Variants in ZNF845 observed in about 807,000 individuals in gnomAD.
The protein encoded by ZNF845 is zinc finger protein 845.
In ZNF845, 59 loss-of-function variants were observed where a neutral mutation model predicts 76.1. The observed-to-expected ratio is 0.78, with a 90% CI of 0.63 to 0.96. The LOEUF (loss-of-function observed/expected upper bound fraction) is 0.96, where lower values mean the gene tolerates loss of function less well. ZNF845 is among the 40% of genes least tolerant of loss of function. The pLI is 0.00. For missense variants in ZNF845, 1,045 were observed against 1,172.8 expected, an observed-to-expected ratio of 0.89 and a Z score of 1.59; for synonymous variants, 361 against 386.9, an observed-to-expected ratio of 0.93 and a Z score of 0.78.
At chr19:53,337,944 G>C (rs894951088) in intron 1 of ZNF845, among the ~76,000 whole-genome samples, 2 of 152,038 alleles carry the variant, frequency 1.3e-5, no homozygotes, top group African/African-American at 4.8e-5. Flanking sequence ...CAGGTGATCC[G>C]TCTGCCTAGG....
chr19:53,356,307 G>A lies in ZNF845; in HGVS notation c.*2719G>A, dbSNP rs538571122. 2.0e-5 allele frequency: 3 copies of A among 152,302 alleles called. No individual in the cohort carries two copies. The highest frequency in any genetic ancestry group is 2.9e-5 in the Non-Finnish European group (2 of 68,034). 9.4% of individuals were successfully genotyped at this position (152,302 alleles called of 1,614,324 possible). On this transcript the variant is annotated 3_prime_UTR_variant, in exon 4 of 4. Transcript: ENST00000458035. ...AATCCCAGCGGTTTTAGAGGCCCAG[G>A]CAGGTGGGTGACGTGAGCCTAGGGA...
intron 1 of ZNF845, chr19:53,341,021 C>T (rs1390662821): frequency 1.9e-6 from 1 of 525,498 alleles, no homozygotes. Context: ...TCCAGCTACA[C>T]CCTCACCCCC....
At chr19:53,347,569 A>G (rs955262484) in intron 3 of ZNF845, among the ~76,000 whole-genome samples, 1 of 152,124 alleles carries the variant, frequency 6.6e-6, no homozygotes, top group African/African-American at 2.4e-5. Context: ...CTGAGATTAC[A>G]GGCATGAACC....
intron 1 of ZNF845, among the ~76,000 whole-genome samples, chr19:53,339,620 C>A (rs1460625038): frequency 6.6e-6 from 1 of 152,166 alleles, no homozygotes; most frequent in Non-Finnish European, 1.5e-5. Flanking sequence ...AAGTCTTAGA[C>A]CCCAGGAATT....
chr19:53,335,462 A>C (rs1467434163), intron 1 of ZNF845, among the ~76,000 whole-genome samples: 2 of 151,454 alleles, frequency 1.3e-5, no homozygotes, highest in Admixed American at 6.6e-5. Flanking sequence ...ATGGGGTTTC[A>C]CTGTTTCCCA....
At chr19:53,345,321 G>GA (rs200949602) in intron 2 of ZNF845, among the ~76,000 whole-genome samples, 185 bp from the exon 3 acceptor site, 10,055 of 141,838 alleles carry the variant, frequency 0.071, 484 homozygotes, top group Admixed American at 0.19. Context: ...GTCTCAAAAA[G>GA]AAAAAAAAAA....
chr19:53,352,575 C>A lies in ZNF845; in HGVS notation c.1900C>A (p.Pro634Thr). 1 of 1,611,036 alleles carries A rather than the reference C, an allele frequency of 6.2e-7. No individual in the cohort carries two copies. The highest frequency in any genetic ancestry group is 1.1e-5 in the South Asian group (1 of 90,834). The change falls in exon 4 of 4, where the codon CCT becomes ACT. Residue 634 changes from proline (P) to threonine (T), a missense_variant. Physicochemically the swap from Pro to Thr is conservative, Grantham distance 38 (BLOSUM62 -1). Coordinates refer to ENST00000458035, the MANE Select transcript of ZNF845 (RefSeq NM_138374.3). ...TTGGCGAACTCATAGTGGAGAGAAA[C>A]CTTACAAATGTGAAGAATGTGATGA... ...VHWRTHSGEK[P>T]YKCEECDEAF... is the part of the protein sequence containing the mutation.
chr19:53,336,633 C>CTTTTTTTTTTT (rs398035035), intron 1 of ZNF845, among the ~76,000 whole-genome samples: 91 of 92,376 alleles, frequency 9.9e-4, no homozygotes, highest in Middle Eastern at 0.012. Flanking sequence ...TTCTTTCTTT[C>CTTTTTTTTTTT]TTTTTTTTTT....
Position 53,353,248 on chromosome 19 carries a change from C to T in ZNF845, c.2573C>T (p.Pro858Leu). The stretch of plus-strand genomic sequence containing the variant: ...AAGGCAATTCATACTGGAGAAAAAC[C>T]TTACAAGTGTAGTGAATGTGGCAAG... ...IHKAIHTGEK[P>L]YKCSECGKVF... Residue 858 changes from proline to leucine, a missense_variant, in exon 4 of 4, where the codon CCT becomes CTT. Transcript: ENST00000458035. 2 of 1,613,772 alleles carry T rather than the reference C, an allele frequency of 1.2e-6. No individual in the cohort carries two copies. The highest frequency in any genetic ancestry group is 1.7e-6 in the Non-Finnish European group (2 of 1,179,828).
Position 53,346,413 on chromosome 19 carries a change from G to A in ZNF845, c.142+781G>A, listed in dbSNP as rs1423729777. 1.2e-5 allele frequency: 5 copies of A among 413,032 alleles called. No homozygotes were observed. The East Asian group carries it at 3.7e-4, about 31-fold the overall frequency. 25.6% of individuals were successfully genotyped at this position (413,032 alleles called of 1,614,324 possible). On this transcript the variant is annotated intron_variant, in intron 3 of 3. Coordinates refer to ENST00000458035, the MANE Select transcript of ZNF845 (RefSeq NM_138374.3). Reference sequence around the variant, plus strand: ...CTCAAAAAATTCTCGTGCCCCAGTGGCTCATGCCTGTAATCCCGGCACTTT... The same window carrying A: ...CTCAAAAAATTCTCGTGCCCCAGTGACTCATGCCTGTAATCCCGGCACTTT...
At chr19:53,344,013 G>C (rs2085275908) in intron 2 of ZNF845, among the ~76,000 whole-genome samples, 2 of 151,352 alleles carry the variant, frequency 1.3e-5, no homozygotes, top group African/African-American at 4.9e-5. Context: ...TGGAGTCTCT[G>C]TTACCCAGGC....
chr19:53,338,734 T>A (rs2085235130), intron 1 of ZNF845, among the ~76,000 whole-genome samples: 1 of 147,610 alleles, frequency 6.8e-6, no homozygotes, highest in Non-Finnish European at 1.5e-5. Flanking sequence ...ACACACACAC[T>A]CCCACACACA....
Position 53,351,679 on chromosome 19 carries a change from C to A in ZNF845, c.1004C>A (p.Thr335Asn). 1 of 1,614,056 alleles carries A rather than the reference C, an allele frequency of 6.2e-7. No individual in the cohort carries two copies. The highest frequency in any genetic ancestry group is 1.1e-5 in the South Asian group (1 of 91,076). Residue 335 changes from threonine (T) to asparagine (N), a missense_variant, in exon 4 of 4, where the codon ACC becomes AAC. Thr to Asn is a moderately conservative substitution (Grantham distance 65, BLOSUM62 0). Transcript: ENST00000458035. Reference protein sequence around the residue: ...KSYKCNECGKTFSQTSYLVYH... With the variant: ...KSYKCNECGKNFSQTSYLVYH... ...TACAAGTGTAATGAATGTGGCAAGACCTTCAGTCAAACGTCATACCTTGTG... is the reference window on the plus strand; with the variant it reads ...TACAAGTGTAATGAATGTGGCAAGAACTTCAGTCAAACGTCATACCTTGTG...
intron 1 of ZNF845, chr19:53,340,943 T>A (rs2085252007): frequency 2.5e-6 from 1 of 393,222 alleles, no homozygotes; most frequent in South Asian, 8.5e-5. Flanking sequence ...CACCCCTCCT[T>A]CCCCAGGTCT....
At chr19:53,335,379 G>A (rs1010412840) in intron 1 of ZNF845, among the ~76,000 whole-genome samples, 1 of 152,050 alleles carries the variant, frequency 6.6e-6, no homozygotes, top group Non-Finnish European at 1.5e-5. Flanking sequence ...TCTTACCTCA[G>A]CCTCCTGAGT....
chr19:53,349,005 CG>C (rs2085315840), intron 3 of ZNF845, among the ~76,000 whole-genome samples: 1 of 151,416 alleles, frequency 6.6e-6, no homozygotes, highest in Non-Finnish European at 1.5e-5. Context: ...TACAGGCTCC[CG>C]CCACCATGCC....
intron 1 of ZNF845, among the ~76,000 whole-genome samples, chr19:53,335,837 G>A (rs2085209545): frequency 2.6e-5 from 4 of 151,828 alleles, no homozygotes; most frequent in Admixed American, 2.6e-4. Context: ...CCCAACCTCA[G>A]ATGATCCACC....
chr19:53,349,185 T>C (rs2085317088), intron 3 of ZNF845, among the ~76,000 whole-genome samples: 1 of 152,158 alleles, frequency 6.6e-6, no homozygotes, highest in Non-Finnish European at 1.5e-5. Flanking sequence ...CTTATAATGC[T>C]GTGTGTTTTT....
chr19:53,351,003 G>A lies in ZNF845; in HGVS notation c.328G>A (p.Glu110Lys). Residue 110 changes from glutamate (E) to lysine (K), a missense_variant, in exon 4 of 4, where the codon GAA becomes AAA. Coordinates refer to ENST00000458035, the MANE Select transcript of ZNF845 (RefSeq NM_138374.3). ...QWKEDERNSH[E>K]APMTEIKQLT... ...GAAAGAAGATGAAAGAAATAGCCAT[G>A]AAGCACCCATGACAGAAATCAAACA... The A allele has an allele frequency of 2.5e-6, 4 of 1,614,168 alleles. No homozygotes were observed. In the South Asian group the frequency reaches 3.3e-5, roughly 13 times the overall value.
Sources: allele counts gnomAD v4.1 joint callset (sites outside exome capture counted in the v4.1 genomes callset), GRCh38; gene constraint gnomAD v4.1.1; transcripts MANE v1.5; gene names NCBI Gene and HGNC (gene_info 2026-07-23, HGNC 2026-07-21).